SORBS2: variants seen among roughly 807,000 people sequenced by gnomAD.
SORBS2 encodes sorbin and SH3 domain-containing protein 2.
Under a neutral mutation model 97.7 loss-of-function variants are expected in SORBS2, and 46 were observed. That is an observed-to-expected ratio of 0.47 (90% CI 0.37 to 0.60). SORBS2 has a LOEUF of 0.60. Among genes scored for constraint, SORBS2 ranks in the 20% least tolerant of loss-of-function variants. SORBS2 has a pLI of 0.00. For synonymous variants in SORBS2, 476 were observed against 473.4 expected, an observed-to-expected ratio of 1.01 and a Z score of -0.07; for missense variants, 1,316 against 1,282.3, an observed-to-expected ratio of 1.03 and a Z score of -0.40.
intron 2 of SORBS2, among the ~76,000 whole-genome samples, chr4:185,754,938 A>G (rs987100356): frequency 6.6e-6 from 1 of 152,210 alleles, no homozygotes; most frequent in African/African-American, 2.4e-5. Context: ...AGGCTGGGGA[A>G]TGTAATCTAC....
chr4:185,681,675 T>C (rs1172389311), intron 2 of SORBS2, among the ~76,000 whole-genome samples: 1 of 152,186 alleles, frequency 6.6e-6, no homozygotes. Context: ...AATGAAGAGC[T>C]CCACGTGCTC....
chr4:185,606,431 A>G lies in SORBS2; in HGVS notation c.2796+5349T>C. 2.1e-6 allele frequency: 2 copies of G among 973,050 alleles called. No individual in the cohort carries two copies. The highest frequency in any genetic ancestry group is 2.4e-6 in the Non-Finnish European group (2 of 818,704). 60.3% of individuals were successfully genotyped at this position (973,050 alleles called of 1,614,324 possible). On this transcript the variant is annotated intron_variant, in intron 12 of 14. Transcript: ENST00000418609. The surrounding 1 kb of genome is among the most constrained non-coding windows in gnomAD (Gnocchi z 4.3). ...ATTTAATTAAATATGGTGTGTTTTC[A>G]TATACCCACTCCACCCCCATCTTAT...
chr4:185,654,404 C>T (rs1437289960), intron 1 of SORBS2, among the ~76,000 whole-genome samples: 1 of 152,174 alleles, frequency 6.6e-6, no homozygotes, highest in East Asian at 1.9e-4. Context: ...TTTTCCTGGA[C>T]GTGCTGATGG....
intron 1 of SORBS2, among the ~76,000 whole-genome samples, chr4:185,797,925 G>T (rs909470840): frequency 6.6e-6 from 1 of 152,184 alleles, no homozygotes; most frequent in African/African-American, 2.4e-5. Flanking sequence ...TTGCCTAGAA[G>T]GGTCAGTCAC....
intron 1 of SORBS2, among the ~76,000 whole-genome samples, chr4:185,783,368 C>T (rs1044818089): frequency 2.0e-5 from 3 of 152,238 alleles, no homozygotes; most frequent in Admixed American, 2.0e-4. Flanking sequence ...TACAGTGCTG[C>T]AGTAATATAG....
chr4:185,904,510 C>G (rs2099249589), intron 1 of SORBS2, among the ~76,000 whole-genome samples: 2 of 152,102 alleles, frequency 1.3e-5, no homozygotes, highest in African/African-American at 4.8e-5. Flanking sequence ...TGGTACTTGG[C>G]CTGTATGTAA....
intron 1 of SORBS2, among the ~76,000 whole-genome samples, chr4:185,883,001 T>C (rs908518386): frequency 1.3e-5 from 2 of 151,970 alleles, no homozygotes; most frequent in Non-Finnish European, 2.9e-5. Flanking sequence ...TAGAAAAATA[T>C]TTATTAGAAG....
chr4:185,862,813 G>A (rs1267390913), intron 1 of SORBS2, among the ~76,000 whole-genome samples: 1 of 152,162 alleles, frequency 6.6e-6, no homozygotes, highest in African/African-American at 2.4e-5. Context: ...GAGGGTGGTG[G>A]TGGGGCTGTC....
At chr4:185,628,150 T>C (rs1031104757) in intron 5 of SORBS2, among the ~76,000 whole-genome samples, 1 of 152,304 alleles carries the variant, frequency 6.6e-6, no homozygotes, top group East Asian at 1.9e-4. Flanking sequence ...GAAAACCACC[T>C]GCTGGTTTTT....
intron 1 of SORBS2, among the ~76,000 whole-genome samples, chr4:185,823,448 A>C (rs910842377): frequency 1.3e-5 from 2 of 152,182 alleles, no homozygotes; most frequent in Non-Finnish European, 2.9e-5. Flanking sequence ...ACACTCAACA[A>C]TAACAATGTT....
intron 2 of SORBS2, among the ~76,000 whole-genome samples, chr4:185,741,890 GC>G (rs1193750284): frequency 6.6e-6 from 1 of 152,144 alleles, no homozygotes; most frequent in Non-Finnish European, 1.5e-5. Flanking sequence ...GTGGCCTCCC[GC>G]CCCACGGGTC....
intron 2 of SORBS2, among the ~76,000 whole-genome samples, chr4:185,721,084 C>CTTTTTTTTTTTTTTT (rs1160319469): frequency 1.4e-4 from 13 of 92,194 alleles, no homozygotes; most frequent in Admixed American, 2.7e-4. Context: ...CCCACCTATT[C>CTTTTTTTTTTTTTTT]TTTTTTTTTT....
intron 1 of SORBS2, among the ~76,000 whole-genome samples, chr4:185,896,942 C>T (rs561060771): frequency 2.6e-5 from 4 of 151,266 alleles, no homozygotes; most frequent in Non-Finnish European, 5.9e-5. Context: ...TTACAAAGCA[C>T]GTCAGTGATT....
intron 1 of SORBS2, among the ~76,000 whole-genome samples, chr4:185,853,515 G>T (rs1304647206): frequency 2.0e-5 from 3 of 152,154 alleles, no homozygotes. Context: ...TCTTTCTTGT[G>T]AGTATAAAAA....
At chr4:185,938,263 G>A (rs1028975197) in intron 1 of SORBS2, among the ~76,000 whole-genome samples, 1 of 151,976 alleles carries the variant, frequency 6.6e-6, no homozygotes, top group African/African-American at 2.4e-5. Flanking sequence ...CTCCCAAAGT[G>A]CTGAGATTAC....
chr4:185,656,603 C>T, intron 1 of SORBS2: 2 of 1,539,318 alleles, frequency 1.3e-6, no homozygotes, highest in Non-Finnish European at 1.8e-6. Context: ...CCCGCATGGC[C>T]CCCAACTTCA....
intron 1 of SORBS2, among the ~76,000 whole-genome samples, chr4:185,915,507 A>G (rs974316663): frequency 6.6e-6 from 1 of 152,222 alleles, no homozygotes; most frequent in Non-Finnish European, 1.5e-5. Flanking sequence ...AGGAGAGTAC[A>G]TACAAACAGG....
chr4:185,747,249 C>T (rs994332659), intron 2 of SORBS2, among the ~76,000 whole-genome samples: 7 of 152,126 alleles, frequency 4.6e-5, no homozygotes, highest in South Asian at 2.1e-4. Flanking sequence ...TCTTGGACCT[C>T]GAGCCTGGAG....
chr4:185,637,879 C>A (rs1417152585), intron 4 of SORBS2, among the ~76,000 whole-genome samples, 200 bp downstream of exon 15: 2 of 152,132 alleles, frequency 1.3e-5, no homozygotes, highest in East Asian at 1.9e-4. Flanking sequence ...GAATGACCTA[C>A]AAACCACATA....
Sources: allele counts gnomAD v4.1 joint callset (sites outside exome capture counted in the v4.1 genomes callset), GRCh38; gene constraint gnomAD v4.1.1; non-coding constraint Gnocchi (gnomAD v3.1); transcripts MANE v1.5; gene names NCBI Gene and HGNC (gene_info 2026-07-23, HGNC 2026-07-21).